BTBD19: variants seen among roughly 807,000 people sequenced by gnomAD.
BTBD19 encodes the protein BTB domain containing 19.
A neutral mutation model predicts 36.1 loss-of-function variants in BTBD19; 20 were observed. The ratio of observed to expected loss-of-function variants is 0.55; its 90% CI spans 0.39 to 0.80. BTBD19 has a LOEUF of 0.80. BTBD19 is among the 30% of genes least tolerant of loss of function. The probability of loss-of-function intolerance (pLI) is 0.00; values close to 1 mark genes in which losing one functional copy is unlikely to be tolerated. For missense variants in BTBD19, 325 were observed against 389.8 expected, an observed-to-expected ratio of 0.83 and a Z score of 1.40; for synonymous variants, 157 against 174.3, an observed-to-expected ratio of 0.90 and a Z score of 0.78.
Position 44,808,861 on chromosome 1 carries a change from CT to C in BTBD19, c.46del (p.Ser16ProfsTer59), listed in dbSNP as rs1220364388. ...CTGGTCGTGCATGGGAAAGCTGAAC[CT>C]TTTTCCGCAGCACTCCGAAGCCTTG... On this transcript the variant is annotated frameshift_variant, in exon 1 of 8. Transcript: ENST00000450269. LOFTEE classifies it high-confidence loss of function. 2.6e-6 allele frequency: 4 copies of C among 1,550,340 alleles called. No homozygotes were observed. Among genetic ancestry groups the C allele is most frequent in the Admixed American group, 2.0e-5 (1 of 50,874 alleles).
chr1:44,810,372 C>T lies in BTBD19; in HGVS notation c.246C>T (p.Phe82=), dbSNP rs1415241039. 6.4e-7 allele frequency: 1 copy of T among 1,551,748 alleles called. No homozygotes were observed. Among genetic ancestry groups the T allele is most frequent in the Admixed American group, 2.0e-5 (1 of 51,010 alleles). ...TAAGCACTGTGCCAACTGAGGCCTT[C>T]CTGGCAGTGCTGGAGTTCCTATATA... The change falls in exon 2 of 8, where the codon TTC becomes TTT. Residue 82 remains phenylalanine, a synonymous_variant. Transcript: ENST00000450269. The surrounding 1 kb of genome is among the most constrained non-coding windows in gnomAD (Gnocchi z 4.2).
downstream of BTBD19, chr1:44,814,162 C>CTTTCTTTCTT (rs1175762540): frequency 3.1e-4 from 41 of 131,048 alleles, 3 homozygotes; most frequent in East Asian, 9.1e-3. Context: ...TTCTTTCTTT[C>CTTTCTTTCTT]TTTCTTTCTT....
At chr1:44,814,178 C>CTTTCTTTCT (rs1553163516), downstream of BTBD19, 2 of 142,776 alleles carry the variant, frequency 1.4e-5, no homozygotes, top group South Asian at 4.3e-4. Context: ...TTCTTTCTTT[C>CTTTCTTTCT]TTTCTTTCTT....
In BTBD19 at chr1:44,810,312, A is replaced by G; in HGVS notation, c.186A>G (p.Thr62=). 6.4e-7 allele frequency: 1 copy of G among 1,551,880 alleles called. No homozygotes were observed. The highest frequency in any genetic ancestry group is 8.7e-7 in the Non-Finnish European group (1 of 1,147,010). ...ACTTCTTCCAGCGACTTCTGGGCAC[A>G]GAGCCAGGCCCCGGGGTGCCCAGTC... Residue 62 remains threonine (T), a synonymous_variant, in exon 2 of 8, where the codon ACA becomes ACG. Coordinates refer to ENST00000450269, the Ensembl canonical transcript of BTBD19. This position sits in a 1 kb window ranked among gnomAD's most constrained non-coding sequence, Gnocchi z 4.2.
Position 44,810,805 on chromosome 1 carries a change from C to A in BTBD19, c.354+198C>A. On this transcript the variant is annotated intron_variant, in intron 3 of 7. Transcript: ENST00000450269. This position sits in a 1 kb window ranked among gnomAD's most constrained non-coding sequence, Gnocchi z 4.2. ...TCCATGCATGCCTGCCCTGTGTGTG[C>A]TGTGGGAAGAGGGGGTGATTATGGC... is the stretch of plus-strand genomic sequence containing the variant. 2.5e-6 allele frequency: 1 copy of A among 406,450 alleles called. No individual in the cohort carries two copies. Among genetic ancestry groups the A allele is most frequent in the Non-Finnish European group, 4.7e-6 (1 of 213,110 alleles). The allele number at this position is 406,450 out of a possible 1,614,324, so 25.2% of individuals were successfully genotyped here.
chr1:44,809,002 A>T (rs1257629286), intron 1 of BTBD19, 96 bp downstream of exon 1: 13 of 1,086,108 alleles, frequency 1.2e-5, no homozygotes, highest in Non-Finnish European at 1.5e-5. Context: ...GGGAATTAGA[A>T]CTTGGCCATC....
In BTBD19 at chr1:44,810,324, C is replaced by G; in HGVS notation, c.198C>G (p.Pro66=). ...GACTTCTGGGCACAGAGCCAGGCCC[C>G]GGGGTGCCCAGTCCTGTGGTGCTAA... is the stretch of plus-strand genomic sequence containing the variant. The change falls in exon 2 of 8, where the codon CCC becomes CCG. Residue 66 remains proline (P), a synonymous_variant. Coordinates refer to ENST00000450269, the Ensembl canonical transcript of BTBD19. The surrounding 1 kb of genome is among the most constrained non-coding windows in gnomAD (Gnocchi z 4.2). The G allele has an allele frequency of 4.5e-6, 7 of 1,551,824 alleles. No individual in the cohort carries two copies. Among genetic ancestry groups the G allele is most frequent in the South Asian group, 1.2e-5 (1 of 84,062 alleles).
In BTBD19 at chr1:44,813,349, C is replaced by G; in HGVS notation, c.616-25C>G. ...TGGTGAGCGGGCGGCAGGACAGGTGCCCGACTCAGGGCTGGCGTTTGCAGG... is the reference window on the plus strand; with the variant it reads ...TGGTGAGCGGGCGGCAGGACAGGTGGCCGACTCAGGGCTGGCGTTTGCAGG... On this transcript the variant is annotated intron_variant, in intron 6 of 7. Transcript: ENST00000450269. This position sits in a 1 kb window ranked among gnomAD's most constrained non-coding sequence, Gnocchi z 7.8. 1.9e-6 allele frequency: 3 copies of G among 1,542,994 alleles called. No individual in the cohort carries two copies. Among genetic ancestry groups the G allele is most frequent in the Non-Finnish European group, 2.6e-6 (3 of 1,146,374 alleles).
exon 1 of BTBD19, chr1:44,808,845 C>T: frequency 5.8e-6 from 9 of 1,550,034 alleles, no homozygotes; most frequent in Non-Finnish European, 7.9e-6. Flanking sequence ...ACTGGTCGTG[C>T]ATGGGAAAGC....
In BTBD19 at chr1:44,813,470, G is replaced by A. The variant is rs765368389; in HGVS notation, c.712G>A (p.Glu238Lys). The A allele has an allele frequency of 5.2e-6, 8 of 1,550,968 alleles. No homozygotes were observed. Among genetic ancestry groups the A allele is most frequent in the Non-Finnish European group, 7.0e-6 (8 of 1,146,746 alleles). ...CCCGGCGGAGCTGAGCGCCCTGGAA[G>A]AGCAGAACCGGCAGGAACCACTCAT... The change falls in exon 7 of 8, where the codon GAG (glutamate) becomes AAG (lysine). Residue 238 changes from glutamate (E) to lysine (K), a missense_variant. Transcript: ENST00000450269. The surrounding 1 kb of genome is among the most constrained non-coding windows in gnomAD (Gnocchi z 7.8).
At chr1:44,814,224 C>CCTTCCT (rs1652616406), downstream of BTBD19, 5 of 117,544 alleles carry the variant, frequency 4.3e-5, no homozygotes, top group African/African-American at 1.7e-4. Context: ...TTCTTTCTTT[C>CCTTCCT]TCTTTCCTTC....
In BTBD19 at chr1:44,810,790, C is replaced by T; in HGVS notation, c.354+183C>T. The T allele has an allele frequency of 4.5e-6, 2 of 444,590 alleles. No individual in the cohort carries two copies. Among genetic ancestry groups the T allele is most frequent in the South Asian group, 2.0e-5 (1 of 49,458 alleles). 27.5% of individuals were successfully genotyped at this position (444,590 alleles called of 1,614,324 possible). A position where few individuals can be genotyped will look rare whatever the true frequency, so the allele number is the denominator to read the frequency against. Reference sequence around the variant, plus strand: ...CTGTGTGCAAAAGGATCCATGCATGCCTGCCCTGTGTGTGCTGTGGGAAGA... The same window carrying T: ...CTGTGTGCAAAAGGATCCATGCATGTCTGCCCTGTGTGTGCTGTGGGAAGA... On this transcript the variant is annotated intron_variant, in intron 3 of 7. Transcript: ENST00000450269. This position sits in a 1 kb window ranked among gnomAD's most constrained non-coding sequence, Gnocchi z 4.2.
At chr1:44,808,759 C>G in exon 1 of BTBD19, 1 of 1,264,412 alleles carries the variant, frequency 7.9e-7, no homozygotes, top group South Asian at 1.5e-5. Context: ...GCTAACCTCA[C>G]CAGCTCTAGG....
In BTBD19 at chr1:44,810,084, TG is replaced by T; in HGVS notation, c.87-127del. 1.2e-6 allele frequency: 1 copy of T among 819,948 alleles called. No individual in the cohort carries two copies. The highest frequency in any genetic ancestry group is 1.6e-5 in the South Asian group (1 of 61,618). The allele number at this position is 819,948 out of a possible 1,614,324, so 50.8% of individuals were successfully genotyped here. ...GGGCTTTGGGTCCCAGACCTTCTGC[TG>T]GAGGGACGAAGCCCTGTCTCTTACA... On this transcript the variant is annotated intron_variant, in intron 1 of 7. Transcript: ENST00000450269. The surrounding 1 kb of genome is among the most constrained non-coding windows in gnomAD (Gnocchi z 4.2).
intron 3 of BTBD19, among the ~76,000 whole-genome samples, chr1:44,811,418 C>T (rs1652408814): frequency 6.6e-6 from 1 of 152,016 alleles, no homozygotes; most frequent in Non-Finnish European, 1.5e-5. Flanking sequence ...CACAGAGGCA[C>T]CAAAGGAGCT....
chr1:44,815,142 G>C (rs1429706027), downstream of BTBD19: 1 of 152,176 alleles, frequency 6.6e-6, no homozygotes. Flanking sequence ...TGTCTGACAC[G>C]TCTCACAGCC....
rs1346855293 is a variant in BTBD19, at chr1:44,813,509, C to T, written c.741+10C>T. ...GGAACCACTCATCCCGGTGGGGACGCGGGGAACCGGCCCAGCTCCACTCAG... is the reference window on the plus strand; with the variant it reads ...GGAACCACTCATCCCGGTGGGGACGTGGGGAACCGGCCCAGCTCCACTCAG... On this transcript the variant is annotated intron_variant, in intron 7 of 7. Transcript: ENST00000450269. The surrounding 1 kb of genome is among the most constrained non-coding windows in gnomAD (Gnocchi z 7.8). The T allele has an allele frequency of 6.5e-7, 1 of 1,549,788 alleles. No homozygotes were observed. Among genetic ancestry groups the T allele is most frequent in the South Asian group, 1.2e-5 (1 of 83,838 alleles).
In BTBD19 at chr1:44,810,465, G is replaced by A; in HGVS notation, c.300+39G>A. ...CCAGGGGCCTGGGTGGGAGAGGTGG[G>A]GGGTGCCAGAGGCAGGAGTTTGCCC... On this transcript the variant is annotated intron_variant, in intron 2 of 7. Transcript: ENST00000450269. This position sits in a 1 kb window ranked among gnomAD's most constrained non-coding sequence, Gnocchi z 4.2. 6.4e-7 allele frequency: 1 copy of A among 1,551,042 alleles called. No homozygotes were observed. The highest frequency in any genetic ancestry group is 8.7e-7 in the Non-Finnish European group (1 of 1,146,508).
chr1:44,810,404 G>A lies in BTBD19; in HGVS notation c.278G>A (p.Ser93Asn), dbSNP rs977887333. The stretch of plus-strand genomic sequence containing the variant: ...GTGCTGGAGTTCCTATATACCAACA[G>A]TGTCAAGCTGTACCGCCACTCTGTG... The change falls in exon 2 of 8, where the codon AGT becomes AAT. Residue 93 changes from serine to asparagine, a missense_variant. Ser to Asn is a conservative substitution (Grantham distance 46). Coordinates refer to ENST00000450269, the Ensembl canonical transcript of BTBD19. This position sits in a 1 kb window ranked among gnomAD's most constrained non-coding sequence, Gnocchi z 4.2. 3.9e-6 allele frequency: 6 copies of A among 1,551,462 alleles called. No homozygotes were observed. In the African/African-American group the frequency reaches 6.8e-5, roughly 18 times the overall value.
Sources: gnomAD v4.1 joint callset for allele counts (sites outside exome capture counted in the v4.1 genomes callset) on GRCh38, gnomAD v4.1.1 for gene constraint, Gnocchi (gnomAD v3.1) non-coding constraint, MANE v1.5 for transcripts, NCBI Gene and HGNC (gene_info 2026-07-23, HGNC 2026-07-21) for gene names.